The following ME1 variants were observed in gnomAD, a reference collection of about 807,000 sequenced individuals.
ME1 encodes NADP-dependent malic enzyme.
A neutral mutation model predicts 66.4 loss-of-function variants in ME1; 74 were observed. The ratio of observed to expected loss-of-function variants is 1.11; its 90% CI spans 0.92 to 1.35. The LOEUF is 1.35. Ranked by LOEUF, ME1 falls within the 40% of genes most tolerant of loss-of-function variation. The pLI, the probability that ME1 is intolerant of heterozygous loss-of-function variation, is 0.00. For missense variants in ME1, 750 were observed against 694.1 expected, an observed-to-expected ratio of 1.08 and a Z score of -0.90; for synonymous variants, 251 against 235.6, an observed-to-expected ratio of 1.07 and a Z score of -0.60.
At chr6:83,413,621 T>C (rs969012477) in intron 1 of ME1, among the ~76,000 whole-genome samples, 1 of 152,076 alleles carries the variant, frequency 6.6e-6, no homozygotes, top group African/African-American at 2.4e-5. Context: ...AAAATTGAGC[T>C]TGTTTTAAGT....
Position 83,324,659 on chromosome 6 carries a change from C to T in ME1, c.601-9246G>A, listed in dbSNP as rs150682622. ...GACTAAACTAGGAAGAAGTCGAATC[C>T]CCGAATAGACCAATAACAAGTTCTA... On this transcript the variant is annotated intron_variant, in intron 5 of 13. Transcript: ENST00000369705. Among the ~76,000 whole-genome samples the T allele has an allele frequency of 5.6e-3, 833 of 147,758 alleles. 7 individuals carry two copies. The highest frequency in any genetic ancestry group is 0.02 in the African/African-American group (796 of 39,188).
chr6:83,415,027 A>G (rs1367803595), intron 1 of ME1, among the ~76,000 whole-genome samples: 1 of 152,122 alleles, frequency 6.6e-6, no homozygotes, highest in Non-Finnish European at 1.5e-5. Context: ...ATCCAAATAA[A>G]CCACTGGTTG....
Position 83,223,849 on chromosome 6 carries a change from T to G in ME1, c.1360A>C (p.Asn454His). The G allele has an allele frequency of 6.2e-7, 1 of 1,614,008 alleles. No homozygotes were observed. The highest frequency in any genetic ancestry group is 8.5e-7 in the Non-Finnish European group (1 of 1,179,928). ...GCAACTCCAGGGAACACATAGGAAT[T>G]GTTGCCTTGGCCAGGATATAGGGTC... ...GQTLYPGQGN[N>H]SYVFPGVALG... Residue 454 changes from asparagine (N) to histidine (H), a missense_variant, in exon 12 of 14, where the codon AAT (asparagine) becomes CAT (histidine). Physicochemically the swap from Asn to His is moderately conservative, Grantham distance 68 (BLOSUM62 1). Transcript: ENST00000369705.
intron 6 of ME1, among the ~76,000 whole-genome samples, chr6:83,290,035 A>C (rs890172761): frequency 6.6e-6 from 1 of 152,000 alleles, no homozygotes. Context: ...ATCCTTTATT[A>C]GTCTTGCTAG....
At chr6:83,274,087 C>CTATTTGTCA (rs1767133185) in intron 6 of ME1, among the ~76,000 whole-genome samples, 2 of 152,104 alleles carry the variant, frequency 1.3e-5, no homozygotes. Flanking sequence ...AATATTGTCA[C>CTATTTGTCA]CTAATGCTCT....
Position 83,389,782 on chromosome 6 carries a change from T to TA in ME1, c.362+8584dup, listed in dbSNP as rs965387794. Among the ~76,000 whole-genome samples, 109 of 145,562 alleles carry TA rather than the reference T, an allele frequency of 7.5e-4. 1 individual carries two copies. The East Asian group carries it at 8.7e-3, about 12-fold the overall frequency. ...CAGGAAGCTCAGCAGTCTGCAAAAATAAAAAAAAAAATTGTCTCTAGCTTC... is the reference window on the plus strand; with the variant it reads ...CAGGAAGCTCAGCAGTCTGCAAAAATAAAAAAAAAAAATTGTCTCTAGCTTC... On this transcript the variant is annotated intron_variant, in intron 3 of 13. Transcript: ENST00000369705.
At chr6:83,247,355 A>G (rs145271374) in intron 7 of ME1, among the ~76,000 whole-genome samples, 173 of 152,092 alleles carry the variant, frequency 1.1e-3, no homozygotes, top group African/African-American at 4.0e-3. Flanking sequence ...CAATTTATGC[A>G]TTTTTTCCAG....
intron 6 of ME1, among the ~76,000 whole-genome samples, chr6:83,259,409 T>A (rs1314862221): frequency 6.6e-6 from 1 of 152,088 alleles, no homozygotes; most frequent in Non-Finnish European, 1.5e-5. Flanking sequence ...ACTAAAGGAC[T>A]GAGGGAAAAC....
intron 6 of ME1, among the ~76,000 whole-genome samples, chr6:83,303,361 A>G (rs896518979): frequency 2.0e-5 from 3 of 152,218 alleles, no homozygotes; most frequent in Non-Finnish European, 4.4e-5. Context: ...AGCTAACTGT[A>G]CAATTAATAT....
At chr6:83,279,055 C>T (rs1767242560) in intron 6 of ME1, among the ~76,000 whole-genome samples, 1 of 152,088 alleles carries the variant, frequency 6.6e-6, no homozygotes, top group South Asian at 2.1e-4. Context: ...CAGCAGATTA[C>T]AGCTAAAACA....
At chr6:83,227,524 T>C (rs1386732033) in intron 10 of ME1, 47 bp from the exon 11 acceptor site, 2 of 1,482,546 alleles carry the variant, frequency 1.3e-6, no homozygotes, top group Non-Finnish European at 1.8e-6. Flanking sequence ...CATTGGTTAA[T>C]TCACACAAGA....
At position 83,352,003 on chromosome 6, in the gene ME1, A is replaced by G. The variant is rs999943366; in HGVS notation, c.438+61T>C. On this transcript the variant is annotated intron_variant, in intron 4 of 13. Transcript: ENST00000369705. ...CATGAGAATTGTCAGTATATTTTAA[A>G]CTGTTTTATGGGACAGAAAAAAGAA... The G allele has an allele frequency of 8.1e-6, 8 of 992,914 alleles. No individual in the cohort carries two copies. In the African/African-American group the frequency reaches 1.3e-4, roughly 17 times the overall value. 61.5% of individuals were successfully genotyped at this position (992,914 alleles called of 1,614,324 possible).
At chr6:83,322,688 C>T (rs192906759) in intron 5 of ME1, among the ~76,000 whole-genome samples, 4 of 152,246 alleles carry the variant, frequency 2.6e-5, no homozygotes, top group Admixed American at 2.0e-4. Context: ...GGTTGGTGTA[C>T]CTGAAAGTGA....
intron 6 of ME1, among the ~76,000 whole-genome samples, chr6:83,284,393 T>C (rs1767360057): frequency 6.6e-6 from 1 of 152,088 alleles, no homozygotes; most frequent in Non-Finnish European, 1.5e-5. Context: ...ACTCATTCTG[T>C]GAAGCCAGCA....
intron 3 of ME1, among the ~76,000 whole-genome samples, chr6:83,357,927 CTCTCTCTCTATA>C (rs1258524628): frequency 1.5e-4 from 9 of 58,338 alleles, no homozygotes; most frequent in South Asian, 7.3e-4. Flanking sequence ...CTCTCTCTCT[CTCTCTCTCTATA>C]TATATATATA....
At chr6:83,341,128 GCAAT>G (rs1350127844) in intron 5 of ME1, among the ~76,000 whole-genome samples, 3 of 151,986 alleles carry the variant, frequency 2.0e-5, no homozygotes, top group Non-Finnish European at 2.9e-5. Flanking sequence ...AACCACCTGG[GCAAT>G]CAATCAATCA....
At chr6:83,340,312 A>G (rs1463316564) in intron 5 of ME1, among the ~76,000 whole-genome samples, 2 of 152,232 alleles carry the variant, frequency 1.3e-5, no homozygotes, top group African/African-American at 4.8e-5. Context: ...AAAAGAAAAC[A>G]GCAGTGATAA....
chr6:83,428,195 A>G (rs1274481912), intron 1 of ME1, among the ~76,000 whole-genome samples: 1 of 152,208 alleles, frequency 6.6e-6, no homozygotes, highest in East Asian at 1.9e-4. Flanking sequence ...CAAAAAGGAA[A>G]GAATTAAGAG....
intron 3 of ME1, among the ~76,000 whole-genome samples, chr6:83,360,409 T>C (rs1768986150): frequency 6.6e-6 from 1 of 152,132 alleles, no homozygotes; most frequent in African/African-American, 2.4e-5. Context: ...AAGTAGGGGC[T>C]TATGGAGGTC....
Sources: allele counts gnomAD v4.1 joint callset (sites outside exome capture counted in the v4.1 genomes callset), GRCh38; gene constraint gnomAD v4.1.1; transcripts MANE v1.5; gene names NCBI Gene and HGNC (gene_info 2026-07-23, HGNC 2026-07-21).